Variants in SH3GL2 observed in about 807,000 individuals in gnomAD.
SH3GL2 encodes SH3 domain containing GRB2 like 2, endophilin A1.
SH3GL2 carries 24 observed loss-of-function variants against 46.0 expected under a neutral mutation model. The ratio of observed to expected loss-of-function variants is 0.52; its 90% CI spans 0.38 to 0.73. The LOEUF is 0.73. Among genes scored for constraint, SH3GL2 ranks in the 30% least tolerant of loss-of-function variants. The pLI is 0.00. For missense variants in SH3GL2, 413 were observed against 424.2 expected (o/e 0.97, Z 0.23); for synonymous variants, 196 against 147.1 (o/e 1.33, Z -2.40).
chr9:17,787,345 A>C, intron 4 of SH3GL2, 35 bp from the exon 5 acceptor site: 1 of 1,592,736 alleles, frequency 6.3e-7, no homozygotes. Flanking sequence ...TTTCATCTTT[A>C]TTCTGTAACA....
intron 1 of SH3GL2, among the ~76,000 whole-genome samples, chr9:17,746,018 G>C (rs1822671577): frequency 6.6e-6 from 1 of 152,122 alleles, no homozygotes; most frequent in Non-Finnish European, 1.5e-5. Context: ...AGTATCTTTT[G>C]TGTGATCCGT....
chr9:17,658,023 G>A (rs1436436154), intron 1 of SH3GL2, among the ~76,000 whole-genome samples: 1 of 152,166 alleles, frequency 6.6e-6, no homozygotes, highest in African/African-American at 2.4e-5. Flanking sequence ...TGGATTAACT[G>A]ATCCACTGCA....
At chr9:17,590,525 C>T (rs997492029) in intron 1 of SH3GL2, 1 of 152,102 alleles carries the variant, frequency 6.6e-6, no homozygotes, top group Non-Finnish European at 1.5e-5. Flanking sequence ...CCATTATGCT[C>T]TATGTATTTT....
At chr9:17,755,457 A>G (rs1233919391) in intron 2 of SH3GL2, among the ~76,000 whole-genome samples, 1 of 151,994 alleles carries the variant, frequency 6.6e-6, no homozygotes, top group Non-Finnish European at 1.5e-5. Context: ...TTTTTGTTGT[A>G]TCTTTGTGGC....
In SH3GL2 at chr9:17,725,199, A is replaced by G. The variant is rs77831173; in HGVS notation, c.46-21867A>G. Among the ~76,000 whole-genome samples the G allele has an allele frequency of 7.5e-3, 1,137 of 152,230 alleles. 19 individuals are homozygous for G. Among genetic ancestry groups the G allele is most frequent in the African/African-American group, 0.026 (1,064 of 41,536 alleles). On this transcript the variant is annotated intron_variant, in intron 1 of 8. Coordinates refer to ENST00000380607, the MANE Select transcript of SH3GL2 (RefSeq NM_003026.5). ...TTAGTAAGGCTTTTGCATTTTGCTG[A>G]TGGATCTGTGTACGACTTGGGAAAT... is the stretch of plus-strand genomic sequence containing the variant.
chr9:17,653,637 A>G (rs562074495), intron 1 of SH3GL2, among the ~76,000 whole-genome samples: 28 of 152,292 alleles, frequency 1.8e-4, no homozygotes, highest in African/African-American at 5.8e-4. Flanking sequence ...ATGTGATAGT[A>G]CAAAGAGGTA....
intron 1 of SH3GL2, among the ~76,000 whole-genome samples, chr9:17,715,950 T>C (rs1821746455): frequency 6.6e-6 from 1 of 152,004 alleles, no homozygotes; most frequent in African/African-American, 2.4e-5. Context: ...AAAAGAAGAT[T>C]GGTTGTGTGG....
intron 1 of SH3GL2, among the ~76,000 whole-genome samples, chr9:17,626,168 G>A (rs968231049): frequency 2.6e-5 from 4 of 152,142 alleles, no homozygotes; most frequent in African/African-American, 9.7e-5. Flanking sequence ...TTTGTGCCTC[G>A]GCAGGTGTGG....
At chr9:17,756,733 C>T (rs979484133) in intron 2 of SH3GL2, among the ~76,000 whole-genome samples, 1 of 152,024 alleles carries the variant, frequency 6.6e-6, no homozygotes, top group Non-Finnish European at 1.5e-5. Flanking sequence ...CATTGATGGA[C>T]ATTTGGGTTG....
chr9:17,716,586 G>C (rs1821766972), intron 1 of SH3GL2, among the ~76,000 whole-genome samples: 1 of 152,260 alleles, frequency 6.6e-6, no homozygotes, highest in Admixed American at 6.5e-5. Context: ...GTTTTTGGAT[G>C]GTTCTTTTCT....
chr9:17,645,151 CTTTTTTTTTTTTTTTTTTT>C (rs57611978), intron 1 of SH3GL2, among the ~76,000 whole-genome samples: 2 of 68,776 alleles, frequency 2.9e-5, no homozygotes, highest in South Asian at 4.5e-4. Flanking sequence ...GCAAACGCTG[CTTTTTTTTTTTTTTTTTTT>C]TTTTTTTTTT....
At chr9:17,626,447 T>C (rs1360784516) in intron 1 of SH3GL2, among the ~76,000 whole-genome samples, 2 of 152,214 alleles carry the variant, frequency 1.3e-5, no homozygotes, top group Non-Finnish European at 1.5e-5. Context: ...TGTGTCCTCA[T>C]CTCTCTCTTA....
chr9:17,668,754 T>C (rs1028136879), intron 1 of SH3GL2, among the ~76,000 whole-genome samples: 1 of 152,170 alleles, frequency 6.6e-6, no homozygotes, highest in African/African-American at 2.4e-5. Flanking sequence ...AGTCCTGGAC[T>C]CTGGTGATCC....
chr9:17,737,545 C>G (rs750642237), intron 1 of SH3GL2, among the ~76,000 whole-genome samples: 3 of 152,036 alleles, frequency 2.0e-5, no homozygotes, highest in Non-Finnish European at 4.4e-5. Context: ...CTCTGTAATA[C>G]TGACTCTGAA....
Position 17,597,502 on chromosome 9 carries a change from G to GTGA in SH3GL2, c.45+18217_45+18219dup, listed in dbSNP as rs1443899696. ...ACTGCACTCCAGCCTGGGCGACAGA[G>GTGA]TGATACTCAGTCTCAAAAAAAAAAA... On this transcript the variant is annotated intron_variant, in intron 1 of 8. Coordinates refer to ENST00000380607, the MANE Select transcript of SH3GL2 (RefSeq NM_003026.5). Among the ~76,000 whole-genome samples, 3 of 151,254 alleles carry GTGA rather than the reference G, an allele frequency of 2.0e-5. No homozygotes were observed. In the East Asian group the frequency reaches 5.9e-4, roughly 30 times the overall value.
intron 1 of SH3GL2, among the ~76,000 whole-genome samples, chr9:17,642,478 G>C (rs1352463876): frequency 1.3e-5 from 2 of 152,114 alleles, no homozygotes; most frequent in Non-Finnish European, 2.9e-5. Flanking sequence ...GGGTTTTTAT[G>C]GTTTTAGGTC....
chr9:17,734,612 T>C (rs1822273477), intron 1 of SH3GL2, among the ~76,000 whole-genome samples: 1 of 152,162 alleles, frequency 6.6e-6, no homozygotes, highest in Non-Finnish European at 1.5e-5. Context: ...TGAAATATTA[T>C]TCAGCCATAA....
Position 17,748,361 on chromosome 9 carries a change from A to G in SH3GL2, c.114+1227A>G, listed in dbSNP as rs528461083. ...CCTAGAAACCACATTTAAACATTGT[A>G]AAGAATATTGCTTTTGTACTTCGTT... On this transcript the variant is annotated intron_variant, in intron 2 of 8. Coordinates refer to ENST00000380607, the MANE Select transcript of SH3GL2 (RefSeq NM_003026.5). Among the ~76,000 whole-genome samples, 782 of 152,314 alleles carry G rather than the reference A, an allele frequency of 5.1e-3. 9 individuals carry two copies. The highest frequency in any genetic ancestry group is 0.018 in the African/African-American group (747 of 41,562).
intron 1 of SH3GL2, among the ~76,000 whole-genome samples, chr9:17,626,040 C>G (rs191178900): frequency 2.6e-5 from 4 of 152,310 alleles, no homozygotes; most frequent in African/African-American, 7.2e-5. Flanking sequence ...TCTTCCCTAC[C>G]TGAGCTGATG....
Sources: gnomAD v4.1 joint callset for allele counts (sites outside exome capture counted in the v4.1 genomes callset) on GRCh38, gnomAD v4.1.1 for gene constraint, MANE v1.5 for transcripts, NCBI Gene and HGNC (gene_info 2026-07-23, HGNC 2026-07-21) for gene names.